Variants in GPC5 observed in about 807,000 individuals in gnomAD.
GPC5 encodes glypican 5, also known as glypican-5.
Under a neutral mutation model 53.9 loss-of-function variants are expected in GPC5, and 47 were observed. The observed-to-expected ratio is 0.87, with a 90% confidence interval of 0.69 to 1.11. The LOEUF (loss-of-function observed/expected upper bound fraction) is 1.11. Among genes scored for constraint, GPC5 ranks in the 50% most tolerant of loss-of-function variants. The pLI is 0.00. For missense variants in GPC5, 748 were observed against 713.1 expected (o/e 1.05, Z -0.56); for synonymous variants, 286 against 263.3 (o/e 1.09, Z -0.84).
intron 7 of GPC5, among the ~76,000 whole-genome samples, chr13:92,351,734 A>T (rs2043479499): frequency 6.6e-6 from 1 of 152,174 alleles, no homozygotes; most frequent in Admixed American, 6.5e-5. Context: ...AGAAAGTTTA[A>T]TTAAAGATAA....
chr13:91,636,037 CAATT>C (rs563230839), intron 2 of GPC5, among the ~76,000 whole-genome samples: 5 of 151,892 alleles, frequency 3.3e-5, no homozygotes, highest in Non-Finnish European at 7.4e-5. Context: ...TGGATCTATA[CAATT>C]TATTTATATT....
chr13:92,309,902 C>T (rs780428168), intron 7 of GPC5, among the ~76,000 whole-genome samples: 19 of 152,086 alleles, frequency 1.2e-4, no homozygotes, highest in Non-Finnish European at 2.5e-4. Flanking sequence ...CACATTCTCT[C>T]CCTGCAACCT....
At chr13:91,577,250 A>G (rs560171829) in intron 2 of GPC5, among the ~76,000 whole-genome samples, 6 of 152,272 alleles carry the variant, frequency 3.9e-5, no homozygotes, top group South Asian at 4.1e-4. Flanking sequence ...GGGAAATTCA[A>G]CTTGGGAAAT....
chr13:92,077,665 T>G (rs2041262729), intron 6 of GPC5, among the ~76,000 whole-genome samples: 1 of 152,126 alleles, frequency 6.6e-6, no homozygotes, highest in South Asian at 2.1e-4. Context: ...CAACTGTGAG[T>G]CAACAGGTTG....
intron 2 of GPC5, among the ~76,000 whole-genome samples, chr13:91,573,436 T>C (rs1342726118): frequency 1.3e-5 from 2 of 152,216 alleles, no homozygotes; most frequent in Non-Finnish European, 2.9e-5. Context: ...TTTTTAAAGC[T>C]TACTTTCTGA....
At chr13:92,809,350 G>C (rs12429680) in intron 7 of GPC5, among the ~76,000 whole-genome samples, 24,111 of 152,126 alleles carry the variant, frequency 0.16, 2,333 homozygotes, top group East Asian at 0.33. Context: ...TGCAATCGCT[G>C]TTCAAAATAA....
chr13:91,939,327 T>A (rs1411187640), intron 6 of GPC5, among the ~76,000 whole-genome samples: 1 of 152,274 alleles, frequency 6.6e-6, no homozygotes, highest in East Asian at 1.9e-4. Flanking sequence ...TTTAATTCTT[T>A]ACATATGAAC....
chr13:91,413,673 AT>A (rs1167222072), intron 1 of GPC5, among the ~76,000 whole-genome samples: 1 of 152,222 alleles, frequency 6.6e-6, no homozygotes, highest in African/African-American at 2.4e-5. Context: ...GGCTCCTGGG[AT>A]TGAGTCCAAT....
At chr13:92,696,057 C>A (rs1279550872) in intron 7 of GPC5, among the ~76,000 whole-genome samples, 1 of 152,120 alleles carries the variant, frequency 6.6e-6, no homozygotes, top group Non-Finnish European at 1.5e-5. Flanking sequence ...CATAGTATTC[C>A]ATGGTGTATA....
chr13:92,165,474 C>A (rs1402001882), intron 7 of GPC5, among the ~76,000 whole-genome samples: 9 of 152,106 alleles, frequency 5.9e-5, no homozygotes, highest in Admixed American at 3.9e-4. Context: ...CAGAAACTTA[C>A]AATCATGGCA....
chr13:92,624,876 G>A (rs1413190140), intron 7 of GPC5, among the ~76,000 whole-genome samples: 1 of 152,210 alleles, frequency 6.6e-6, no homozygotes, highest in African/African-American at 2.4e-5. Context: ...TCACGAGGTA[G>A]TCTAAAGGGC....
chr13:92,638,254 G>C (rs866906706), intron 7 of GPC5, among the ~76,000 whole-genome samples: 22 of 152,120 alleles, frequency 1.4e-4, no homozygotes, highest in Middle Eastern at 3.4e-3. Context: ...TATTTTCTTG[G>C]ACTTTATATT....
chr13:92,551,156 C>T (rs1181174372), intron 7 of GPC5, among the ~76,000 whole-genome samples: 2 of 151,750 alleles, frequency 1.3e-5, no homozygotes, highest in African/African-American at 4.8e-5. Flanking sequence ...AATTTCTTTA[C>T]ATTATGAAAC....
intron 7 of GPC5, among the ~76,000 whole-genome samples, chr13:92,381,878 GAT>G (rs1566565227): frequency 3.9e-5 from 3 of 76,148 alleles, no homozygotes; most frequent in East Asian, 3.8e-4. Flanking sequence ...TCATATATAT[GAT>G]TATATATATT....
At chr13:92,602,179 AT>A (rs1208692434) in intron 7 of GPC5, among the ~76,000 whole-genome samples, 4 of 143,614 alleles carry the variant, frequency 2.8e-5, no homozygotes, top group African/African-American at 1.0e-4. Flanking sequence ...TACACACTAT[AT>A]ATATTACATA....
At chr13:92,455,984 C>G (rs1174664367) in intron 7 of GPC5, among the ~76,000 whole-genome samples, 1 of 152,124 alleles carries the variant, frequency 6.6e-6, no homozygotes, top group African/African-American at 2.4e-5. Flanking sequence ...AGACCTTTCT[C>G]AAATAGAGAA....
chr13:91,949,022 G>A (rs79442335), intron 6 of GPC5, among the ~76,000 whole-genome samples: 3,228 of 152,292 alleles, frequency 0.021, 104 homozygotes, highest in African/African-American at 0.074. Flanking sequence ...TAAGAGCACA[G>A]ATGATTACCA....
At chr13:91,922,741 G>C (rs1043685021) in intron 6 of GPC5, among the ~76,000 whole-genome samples, 3 of 152,062 alleles carry the variant, frequency 2.0e-5, no homozygotes, top group African/African-American at 7.2e-5. Context: ...AACTTTCTTT[G>C]TTTGCACCCA....
chr13:92,476,454 A>G (rs1179226140), intron 7 of GPC5, among the ~76,000 whole-genome samples: 3 of 151,622 alleles, frequency 2.0e-5, no homozygotes, highest in Non-Finnish European at 4.4e-5. Flanking sequence ...TGGGACTGTA[A>G]ACTAGTTCAA....
Sources: allele counts gnomAD v4.1 joint callset (sites outside exome capture counted in the v4.1 genomes callset), GRCh38; gene constraint gnomAD v4.1.1; transcripts MANE v1.5; gene names NCBI Gene and HGNC (gene_info 2026-07-23, HGNC 2026-07-21).